The following RAD54B variants were observed in gnomAD, a reference collection of about 807,000 sequenced individuals.
RAD54B encodes RAD54 homolog B.
A neutral mutation model predicts 95.8 loss-of-function variants in RAD54B; 78 were observed. The observed-to-expected ratio is 0.81, with a 90% CI of 0.68 to 0.98. The LOEUF is 0.98. RAD54B is among the 50% of genes least tolerant of loss of function. The pLI is 0.00. For missense variants in RAD54B, 957 were observed against 1,056.6 expected, an observed-to-expected ratio of 0.91 and a Z score of 1.31; for synonymous variants, 328 against 354.9, an observed-to-expected ratio of 0.92 and a Z score of 0.85.
Position 94,371,988 on chromosome 8 carries a change from T to C in RAD54B, c.*182A>G. 2 of 1,043,742 alleles carry C rather than the reference T, an allele frequency of 1.9e-6. No homozygotes were observed. The highest frequency in any genetic ancestry group is 2.6e-6 in the Non-Finnish European group (2 of 781,804). 64.7% of individuals were successfully genotyped at this position (1,043,742 alleles called of 1,614,324 possible). A position where few individuals can be genotyped will look rare whatever the true frequency, so the allele number is the denominator to read the frequency against. On this transcript the variant is annotated 3_prime_UTR_variant, in exon 15 of 15. Coordinates refer to ENST00000336148, the MANE Select transcript of RAD54B (RefSeq NM_012415.3). ...AATGATATAAGCACATCTTTATTTT[T>C]CATTTAAACACTTAATATTTACAAA...
At chr8:94,453,860 C>T (rs1265824840) in intron 3 of RAD54B, among the ~76,000 whole-genome samples, 1 of 152,072 alleles carries the variant, frequency 6.6e-6, no homozygotes, top group Non-Finnish European at 1.5e-5. Flanking sequence ...GGCGCAATCT[C>T]GGCTCACTGC....
At position 94,390,198 on chromosome 8, in the gene RAD54B, T is replaced by TA. The variant is rs201441992; in HGVS notation, c.1809+1410dup. ...CTATTTTTTAAAAAATAAATATTTTTAAAAAAAATAAATAAAAAGGGCCAG... is the reference window on the plus strand; with the variant it reads ...CTATTTTTTAAAAAATAAATATTTTTAAAAAAAAATAAATAAAAAGGGCCAG... On this transcript the variant is annotated intron_variant, in intron 10 of 14. Transcript: ENST00000336148. Among the ~76,000 whole-genome samples the TA allele has an allele frequency of 2.9e-4, 43 of 150,418 alleles. No homozygotes were observed. The South Asian group carries it at 3.6e-3, about 12-fold the overall frequency.
chr8:94,430,352 G>C, intron 3 of RAD54B: 1 of 982,180 alleles, frequency 1.0e-6, no homozygotes, highest in Non-Finnish European at 1.2e-6. Flanking sequence ...TCATAATCTG[G>C]TATCAACCAT....
At chr8:94,380,493 A>G (rs1176266735) in intron 11 of RAD54B, 87 bp from the exon 12 acceptor site, 2 of 1,280,360 alleles carry the variant, frequency 1.6e-6, no homozygotes, top group African/African-American at 3.0e-5. Context: ...CAATAATATT[A>G]TCACTGACAT....
At chr8:94,384,520 TTTCA>T in intron 11 of RAD54B, among the ~76,000 whole-genome samples, 2 of 151,982 alleles carry the variant, frequency 1.3e-5, no homozygotes, top group South Asian at 4.1e-4. Flanking sequence ...GTTTAATAGA[TTTCA>T]GTTTTGTTTG....
At chr8:94,376,830 A>AC (rs1427491929) in intron 14 of RAD54B, among the ~76,000 whole-genome samples, 1 of 150,604 alleles carries the variant, frequency 6.6e-6, no homozygotes, top group East Asian at 1.9e-4. Flanking sequence ...CTTCTATTGT[A>AC]CCTAAAGAGA....
At chr8:94,388,337 T>G (rs1289616316) in intron 10 of RAD54B, among the ~76,000 whole-genome samples, 1 of 152,226 alleles carries the variant, frequency 6.6e-6, no homozygotes, top group Non-Finnish European at 1.5e-5. Flanking sequence ...TTCATTCTTT[T>G]CTTAATAACA....
chr8:94,428,543 A>G, intron 3 of RAD54B: 1 of 248,024 alleles, frequency 4.0e-6, no homozygotes, highest in Middle Eastern at 2.1e-3. Flanking sequence ...CTATGTAAAT[A>G]GTTGTTAGGA....
At chr8:94,441,714 T>G (rs1812403251) in intron 3 of RAD54B, among the ~76,000 whole-genome samples, 2 of 152,174 alleles carry the variant, frequency 1.3e-5, no homozygotes, top group Middle Eastern at 3.4e-3. Flanking sequence ...GAGATAGGGG[T>G]GAGGCTGAAC....
At chr8:94,422,625 T>A (rs1300293577) in intron 3 of RAD54B, among the ~76,000 whole-genome samples, 120 of 78,746 alleles carry the variant, frequency 1.5e-3, no homozygotes, top group African/African-American at 3.5e-3. Flanking sequence ...AAAATATATA[T>A]ATATATATAT....
intron 14 of RAD54B, among the ~76,000 whole-genome samples, chr8:94,373,620 A>G (rs924516408): frequency 6.6e-6 from 1 of 152,202 alleles, no homozygotes; most frequent in Admixed American, 6.5e-5. Flanking sequence ...CTAAATGCCC[A>G]CAATGACCTG....
chr8:94,384,645 G>A (rs117133261), intron 11 of RAD54B, among the ~76,000 whole-genome samples: 4,493 of 152,222 alleles, frequency 0.03, 93 homozygotes, highest in Middle Eastern at 0.068. Flanking sequence ...ATAAAAAAAT[G>A]GTTAAAATGG....
intron 10 of RAD54B, among the ~76,000 whole-genome samples, chr8:94,391,327 C>T (rs1811012376): frequency 6.6e-6 from 1 of 151,210 alleles, no homozygotes; most frequent in South Asian, 2.1e-4. Flanking sequence ...GGGAGACGAT[C>T]GCCAAGTATT....
intron 3 of RAD54B, among the ~76,000 whole-genome samples, chr8:94,448,508 C>T (rs114892548): frequency 9.2e-5 from 14 of 152,272 alleles, no homozygotes; most frequent in African/African-American, 2.6e-4. Flanking sequence ...AAAATCTGCA[C>T]TCCCATGTTC....
intron 2 of RAD54B, among the ~76,000 whole-genome samples, chr8:94,459,772 A>G (rs1188634315): frequency 6.6e-6 from 1 of 151,934 alleles, no homozygotes; most frequent in Non-Finnish European, 1.5e-5. Context: ...AGGCAGGAGA[A>G]TCGCTTGAAC....
chr8:94,399,500 T>C lies in RAD54B; in HGVS notation c.1292A>G (p.Asp431Gly). ...ACTGTTCTTCAAACGATGCCCCTCG[T>C]CACAGATTAGAAGATCAAATTTTAT... ...KNIKFDLLIC[D>G]EGHRLKNSAI... is the part of the protein sequence containing the mutation. Residue 431 changes from aspartate (D) to glycine (G), a missense_variant, in exon 8 of 15, where the codon GAC (aspartate) becomes GGC (glycine). By Grantham distance (94) the Asp-to-Gly change is moderately conservative. Coordinates refer to ENST00000336148, the MANE Select transcript of RAD54B (RefSeq NM_012415.3). 4 of 1,613,662 alleles carry C rather than the reference T, an allele frequency of 2.5e-6. No homozygotes were observed. The highest frequency in any genetic ancestry group is 3.4e-6 in the Non-Finnish European group (4 of 1,179,718).
intron 3 of RAD54B, among the ~76,000 whole-genome samples, chr8:94,417,679 G>GA (rs1434023783): frequency 3.3e-5 from 5 of 150,248 alleles, no homozygotes; most frequent in African/African-American, 1.2e-4. Context: ...AGAAGAAGAA[G>GA]AAGAAAGAAA....
At chr8:94,422,069 C>T (rs1319092716) in intron 3 of RAD54B, among the ~76,000 whole-genome samples, 2 of 152,094 alleles carry the variant, frequency 1.3e-5, no homozygotes, top group African/African-American at 2.4e-5. Flanking sequence ...ACTTAAATTT[C>T]CGATTGCCAA....
rs2919661 is a variant in RAD54B, at chr8:94,458,283, C to G, written c.289G>C (p.Asp97His). 2,685 of 1,605,354 alleles carry G rather than the reference C, an allele frequency of 1.7e-3. 24 individuals carry two copies. The African/African-American group carries it at 0.018, about 11-fold the overall frequency. ...GCAGTCTTACCTGTATGAGGTGGAT[C>G]TAATGTTGCCAGTGTAGGTGCTTCA... ...CFEAPTLATL[D>H]PPHTVHSAPK... The change falls in exon 3 of 15, where the codon GAT becomes CAT. Residue 97 changes from aspartate (D) to histidine (H), a missense_variant. By Grantham distance (81) the Asp-to-His change is moderately conservative. Transcript: ENST00000336148.
Sources: gnomAD v4.1 joint callset for allele counts (sites outside exome capture counted in the v4.1 genomes callset) on GRCh38, gnomAD v4.1.1 for gene constraint, MANE v1.5 for transcripts, NCBI Gene and HGNC (gene_info 2026-07-23, HGNC 2026-07-21) for gene names.